RFX7: variants seen among roughly 807,000 people sequenced by gnomAD.
RFX7 encodes the protein regulatory factor X7, also known as DNA-binding protein RFX7.
RFX7 carries 26 observed loss-of-function variants against 111.8 expected under a neutral mutation model. The ratio of observed to expected loss-of-function variants is 0.23; its 90% CI spans 0.17 to 0.32. The LOEUF (loss-of-function observed/expected upper bound fraction) is 0.32, where lower values mean the gene tolerates loss of function less well. RFX7 is among the 10% of genes least tolerant of loss of function. The pLI, the probability that RFX7 is intolerant of heterozygous loss-of-function variation, is 1.00. For missense variants in RFX7, 1,573 were observed against 1,772.9 expected (o/e 0.89, Z 2.02); for synonymous variants, 624 against 624.4 (o/e 1.00, Z 0.01).
At chr15:56,241,573 C>T (rs2460648) in intron 2 of RFX7, among the ~76,000 whole-genome samples, 49,793 of 151,982 alleles carry the variant, frequency 0.33, 9,307 homozygotes, top group Non-Finnish European at 0.41. Flanking sequence ...AGTTACGTCA[C>T]GTTACTAGAG....
rs996303092 is a variant in RFX7, at chr15:56,096,478, G to A, written c.1250C>T (p.Ala417Val). 1 of 1,610,050 alleles carries A rather than the reference G, an allele frequency of 6.2e-7. No individual in the cohort carries two copies. Among genetic ancestry groups the A allele is most frequent in the East Asian group, 2.2e-5 (1 of 44,734 alleles). The stretch of plus-strand genomic sequence containing the variant: ...GGCAGAACGATCCCCACCAGGACTG[G>A]CTGGAACGTTCTGGGGAGTCTTTGG... ...QAPKTPQNVP[A>V]SPGGDRSARH... is the part of the protein sequence containing the mutation. The change falls in exon 10 of 10, where the codon GCC becomes GTC. Residue 417 changes from alanine (A) to valine (V), a missense_variant. Around this residue, in one of 7 missense-constraint regions of RFX7, gnomAD observed 288 missense variants for 337.9 expected, o/e 0.85. Coordinates refer to ENST00000559447, the MANE Select transcript of RFX7 (RefSeq NM_022841.7).
At chr15:56,128,159 G>C (rs1289423326) in intron 5 of RFX7, among the ~76,000 whole-genome samples, 12 of 152,168 alleles carry the variant, frequency 7.9e-5, no homozygotes, top group African/African-American at 2.9e-4. Context: ...CCCAGACCAA[G>C]ATGGTTTAGC....
intron 2 of RFX7, among the ~76,000 whole-genome samples, chr15:56,219,722 T>C (rs533279913): frequency 1.3e-5 from 2 of 152,340 alleles, no homozygotes; most frequent in South Asian, 4.1e-4. Flanking sequence ...TGTGTAGTAT[T>C]CCATAGTGTA....
At chr15:56,244,861 A>G (rs142624818), upstream of RFX7, among the ~76,000 whole-genome samples, 8 of 150,678 alleles carry the variant, frequency 5.3e-5, no homozygotes, top group African/African-American at 2.0e-4. Context: ...CTTTGCCACA[A>G]ATAAGTCAGT....
chr15:56,094,079 T>C lies in RFX7; in HGVS notation c.3649A>G (p.Asn1217Asp). ...GATTGGCTTCTTTGAGCTATGTTGT[T>C]GGCACATGCGTCTGTGTGAACATTT... is the stretch of plus-strand genomic sequence containing the variant. Reference protein sequence around the residue: ...FTNVHTDACANNIAQRSQSVP... With the variant: ...FTNVHTDACADNIAQRSQSVP... Residue 1217 changes from asparagine (N) to aspartate (D), a missense_variant, in exon 10 of 10, where the codon AAC becomes GAC. Asn to Asp is a conservative substitution (Grantham distance 23). This residue lies in a region of RFX7 where 411 missense variants were observed against 478.1 expected (regional missense o/e 0.86). Coordinates refer to ENST00000559447, the MANE Select transcript of RFX7 (RefSeq NM_022841.7). The C allele has an allele frequency of 6.2e-7, 1 of 1,614,012 alleles. No individual in the cohort carries two copies. The highest frequency in any genetic ancestry group is 1.7e-5 in the Admixed American group (1 of 60,028).
intron 2 of RFX7, among the ~76,000 whole-genome samples, chr15:56,198,888 G>T (rs2043169307): frequency 6.6e-6 from 1 of 152,040 alleles, no homozygotes; most frequent in Admixed American, 6.5e-5. Flanking sequence ...GGGACTGGGT[G>T]TGGTGGCTCA....
intron 5 of RFX7, among the ~76,000 whole-genome samples, chr15:56,131,523 T>C (rs1348733490): frequency 6.7e-6 from 1 of 149,220 alleles, no homozygotes; most frequent in African/African-American, 2.4e-5. Context: ...CCTCCCAAAG[T>C]GTTGGGATTA....
chr15:56,102,785 G>C (rs1440167816), intron 6 of RFX7, among the ~76,000 whole-genome samples: 11 of 152,164 alleles, frequency 7.2e-5, no homozygotes, highest in Admixed American at 7.2e-4. Context: ...CTAGTGGTTA[G>C]AGAACACCTG....
At chr15:56,161,398 TTACTAA>T (rs1225103258) in intron 3 of RFX7, among the ~76,000 whole-genome samples, 1 of 152,086 alleles carries the variant, frequency 6.6e-6, no homozygotes, top group Non-Finnish European at 1.5e-5. Flanking sequence ...ATGTAAGATA[TTACTAA>T]GTAGATTCTG....
intron 4 of RFX7, among the ~76,000 whole-genome samples, chr15:56,144,108 C>T (rs2042437239): frequency 6.6e-6 from 1 of 152,034 alleles, no homozygotes; most frequent in African/African-American, 2.4e-5. Context: ...GTTTTCTGTT[C>T]AATTTTCACA....
chr15:56,177,230 C>A (rs981041359), intron 3 of RFX7, among the ~76,000 whole-genome samples: 2 of 152,190 alleles, frequency 1.3e-5, no homozygotes, highest in East Asian at 1.9e-4. Context: ...TTACTCAGGT[C>A]GGCACTCAAA....
chr15:56,127,717 T>C (rs529098483), intron 5 of RFX7, among the ~76,000 whole-genome samples: 15 of 151,898 alleles, frequency 9.9e-5, no homozygotes, highest in African/African-American at 3.6e-4. Flanking sequence ...CCGGCTAATT[T>C]TTGTATTTTC....
intron 3 of RFX7, among the ~76,000 whole-genome samples, chr15:56,155,423 A>T (rs2042639398): frequency 6.6e-6 from 1 of 152,194 alleles, no homozygotes; most frequent in African/African-American, 2.4e-5. Context: ...ACCACGGAAT[A>T]CTATACAGCC....
chr15:56,095,706 T>C lies in RFX7; in HGVS notation c.2022A>G (p.Lys674=), dbSNP rs563167049. Residue 674 remains lysine (K), a synonymous_variant, in exon 10 of 10, where the codon AAA becomes AAG. Coordinates refer to ENST00000559447, the MANE Select transcript of RFX7 (RefSeq NM_022841.7). Reference sequence around the variant, plus strand: ...CTGCTGAAAGCTGTTCCACAATTGGTTTCTTTACAGGAGGCACCTGGGTCT... The same window carrying C: ...CTGCTGAAAGCTGTTCCACAATTGGCTTCTTTACAGGAGGCACCTGGGTCT... The part of the protein sequence containing the change: ...LQETQVPPVK[K]PIVEQLSAAT... The C allele has an allele frequency of 1.2e-6, 2 of 1,613,996 alleles. No homozygotes were observed. Among genetic ancestry groups the C allele is most frequent in the African/African-American group, 1.3e-5 (1 of 75,040 alleles).
rs1017850201 is a variant in RFX7, at chr15:56,099,235, C to A, written c.812-859G>T. Among the ~76,000 whole-genome samples the A allele has an allele frequency of 2.6e-5, 4 of 152,124 alleles. 1 individual carries two copies. In the South Asian group the frequency reaches 8.3e-4, roughly 31 times the overall value. On this transcript the variant is annotated intron_variant, in intron 8 of 9. Coordinates refer to ENST00000559447, the MANE Select transcript of RFX7 (RefSeq NM_022841.7). ...GAGGAACAACTATCCTGCTGGTACA[C>A]CTTGCCCTTTCTTTTCTTTTCCCCA...
intron 5 of RFX7, among the ~76,000 whole-genome samples, chr15:56,125,874 C>T: frequency 6.6e-6 from 1 of 152,098 alleles, no homozygotes; most frequent in Non-Finnish European, 1.5e-5. Flanking sequence ...CAATCTTTCT[C>T]CCCTGTATAA....
intron 5 of RFX7, among the ~76,000 whole-genome samples, chr15:56,128,089 G>C (rs2042168399): frequency 6.6e-6 from 1 of 152,110 alleles, no homozygotes; most frequent in Admixed American, 6.5e-5. Context: ...AAAGGAAATA[G>C]ATAACCTGAC....
At chr15:56,239,069 G>T (rs982121477) in intron 2 of RFX7, among the ~76,000 whole-genome samples, 2 of 151,932 alleles carry the variant, frequency 1.3e-5, no homozygotes, top group African/African-American at 4.8e-5. Context: ...CCTGAACTCA[G>T]GCAATCTGCC....
At chr15:56,202,262 C>T (rs1350937695) in intron 2 of RFX7, among the ~76,000 whole-genome samples, 2 of 152,014 alleles carry the variant, frequency 1.3e-5, no homozygotes, top group Non-Finnish European at 2.9e-5. Flanking sequence ...AAGTAAAAAA[C>T]AGATATTACA....
Sources: allele counts gnomAD v4.1 joint callset (sites outside exome capture counted in the v4.1 genomes callset), GRCh38; gene constraint gnomAD v4.1.1; regional missense constraint gnomAD v4.1.1; transcripts MANE v1.5; gene names NCBI Gene and HGNC (gene_info 2026-07-23, HGNC 2026-07-21).